CCDC60: variants seen among roughly 807,000 people sequenced by gnomAD.
CCDC60 encodes the protein coiled-coil domain-containing protein 60.
CCDC60 carries 54 observed loss-of-function variants against 63.5 expected under a neutral mutation model. The ratio of observed to expected loss-of-function variants is 0.85; its 90% confidence interval spans 0.68 to 1.07. The LOEUF (loss-of-function observed/expected upper bound fraction) is 1.07, where lower values mean the gene tolerates loss of function less well. Among genes scored for constraint, CCDC60 ranks in the 50% least tolerant of loss-of-function variants. The pLI, the probability that CCDC60 is intolerant of heterozygous loss-of-function variation, is 0.00. For synonymous variants in CCDC60, 206 were observed against 238.8 expected (o/e 0.86, Z 1.27); for missense variants, 651 against 684.3 (o/e 0.95, Z 0.54).
chr12:119,351,751 C>T (rs1304626330), intron 1 of CCDC60, among the ~76,000 whole-genome samples: 1 of 152,216 alleles, frequency 6.6e-6, no homozygotes, highest in African/African-American at 2.4e-5. Flanking sequence ...ACCACCTCAG[C>T]CTGGACTTCA....
chr12:119,469,016 T>C (rs559637610), intron 2 of CCDC60, among the ~76,000 whole-genome samples: 48 of 152,286 alleles, frequency 3.2e-4, no homozygotes, highest in Non-Finnish European at 5.0e-4. Flanking sequence ...ATATTCCATT[T>C]ATATCTATAT....
chr12:119,335,714 A>G (rs1955463931), intron 1 of CCDC60, among the ~76,000 whole-genome samples: 1 of 151,972 alleles, frequency 6.6e-6, no homozygotes, highest in Non-Finnish European at 1.5e-5. Context: ...TTGTCAGATA[A>G]GTATGTTGCG....
At chr12:119,482,446 G>T (rs1289225975) in intron 4 of CCDC60, among the ~76,000 whole-genome samples, 1 of 152,150 alleles carries the variant, frequency 6.6e-6, no homozygotes. Flanking sequence ...TTGCTGACCA[G>T]GTGGTATTCC....
At chr12:119,405,528 A>C (rs970712147) in intron 1 of CCDC60, among the ~76,000 whole-genome samples, 3 of 152,148 alleles carry the variant, frequency 2.0e-5, no homozygotes, top group Non-Finnish European at 2.9e-5. Flanking sequence ...GTTTTTAGAA[A>C]ATTAATGTAA....
rs372553410 is a variant in CCDC60 at position 119,531,048 on chromosome 12, C to T, written c.1536C>T (p.Ile512=). 27 of 1,613,838 alleles carry T rather than the reference C, an allele frequency of 1.7e-5. No individual in the cohort carries two copies. Among genetic ancestry groups the T allele is most frequent in the African/African-American group, 1.1e-4 (8 of 75,042 alleles). Residue 512 remains isoleucine (I), a synonymous_variant, in exon 13 of 14, where the codon ATC becomes ATT. Coordinates refer to ENST00000327554, the MANE Select transcript of CCDC60 (RefSeq NM_178499.5). ...LRIWELCSPD[I]AVAIEFVREH... ...TTTGGGAACTGTGCTCCCCTGACATCGCTGTGGCTATTGAGGTAAACACCA... is the reference window on the plus strand; with the variant it reads ...TTTGGGAACTGTGCTCCCCTGACATTGCTGTGGCTATTGAGGTAAACACCA...
chr12:119,394,262 G>C (rs897329500), intron 1 of CCDC60, among the ~76,000 whole-genome samples: 1 of 152,204 alleles, frequency 6.6e-6, no homozygotes, highest in African/African-American at 2.4e-5. Context: ...GGAAGCAGAA[G>C]CTTGAGGATT....
chr12:119,514,230 G>A (rs1463264794), intron 7 of CCDC60, among the ~76,000 whole-genome samples: 2 of 151,638 alleles, frequency 1.3e-5, no homozygotes, highest in African/African-American at 4.9e-5. Flanking sequence ...AGGCTGGAGT[G>A]CAGTGGCGCA....
At chr12:119,475,554 C>T (rs559466) in intron 3 of CCDC60, among the ~76,000 whole-genome samples, 415 of 152,310 alleles carry the variant, frequency 2.7e-3, no homozygotes, top group African/African-American at 9.7e-3. Context: ...GTCATTACAG[C>T]AATGTAGCCA....
intron 5 of CCDC60, among the ~76,000 whole-genome samples, chr12:119,493,019 G>T (rs1476148469): frequency 6.6e-6 from 1 of 152,076 alleles, no homozygotes. Flanking sequence ...GGGAAAAAAG[G>T]CTACAGAAGG....
At chr12:119,527,673 T>TC (rs1952720358) in intron 11 of CCDC60, among the ~76,000 whole-genome samples, 1 of 127,866 alleles carries the variant, frequency 7.8e-6, no homozygotes, top group Non-Finnish European at 1.7e-5. Flanking sequence ...TTTCTTTTTT[T>TC]TTTTTTTTTT....
chr12:119,453,882 T>C (rs1487616061), intron 2 of CCDC60, among the ~76,000 whole-genome samples: 1 of 151,984 alleles, frequency 6.6e-6, no homozygotes, highest in Admixed American at 6.6e-5. Context: ...GAGAAGTCGA[T>C]GATAATTTGA....
At chr12:119,482,962 G>T (rs12317188) in intron 4 of CCDC60, among the ~76,000 whole-genome samples, 1,522 of 152,200 alleles carry the variant, frequency 0.01, 33 homozygotes, top group African/African-American at 0.035. Context: ...CAAGCAGAAA[G>T]GGTTCCAAGA....
At chr12:119,419,148 C>G (rs956613491) in intron 1 of CCDC60, among the ~76,000 whole-genome samples, 2 of 152,232 alleles carry the variant, frequency 1.3e-5, no homozygotes, top group African/African-American at 4.8e-5. Context: ...GCATCATGGT[C>G]TAGGGCTCCC....
At chr12:119,501,383 G>A (rs1951847223) in intron 6 of CCDC60, among the ~76,000 whole-genome samples, 1 of 152,166 alleles carries the variant, frequency 6.6e-6, no homozygotes, top group Admixed American at 6.5e-5. Flanking sequence ...AGGTATTTGG[G>A]GGCTCAGAGA....
At chr12:119,348,278 A>C (rs968637068) in intron 1 of CCDC60, among the ~76,000 whole-genome samples, 1 of 152,216 alleles carries the variant, frequency 6.6e-6, no homozygotes, top group African/African-American at 2.4e-5. Flanking sequence ...AGCATTCTGC[A>C]GGGTCTTTTA....
chr12:119,444,801 G>A (rs992585339), intron 2 of CCDC60, among the ~76,000 whole-genome samples: 1 of 152,222 alleles, frequency 6.6e-6, no homozygotes, highest in Non-Finnish European at 1.5e-5. Context: ...CTGGACAAGG[G>A]AGGCTACCTT....
At chr12:119,365,348 A>G (rs1021607086) in intron 1 of CCDC60, among the ~76,000 whole-genome samples, 4 of 152,254 alleles carry the variant, frequency 2.6e-5, no homozygotes, top group Admixed American at 6.5e-5. Context: ...TTGAATGAAT[A>G]AATATCCAAG....
Position 119,420,282 on chromosome 12 carries a change from T to G in CCDC60, c.91-8401T>G, listed in dbSNP as rs1956788968. ...TATGTGGGTAGGTACACATCTTACATTCTTATGACAAAAAAAATACCTCAC... is the reference window on the plus strand; with the variant it reads ...TATGTGGGTAGGTACACATCTTACAGTCTTATGACAAAAAAAATACCTCAC... On this transcript the variant is annotated intron_variant, in intron 1 of 13. Transcript: ENST00000327554. This position sits in a 1 kb window ranked among gnomAD's most constrained non-coding sequence, Gnocchi z 4.1. 6.6e-6 allele frequency among the ~76,000 whole-genome samples: 1 copy of G among 152,064 alleles called. No individual in the cohort carries two copies. Among genetic ancestry groups the G allele is most frequent in the Non-Finnish European group, 1.5e-5 (1 of 68,014 alleles).
At chr12:119,385,114 G>GCA (rs1956047269) in intron 1 of CCDC60, among the ~76,000 whole-genome samples, 1 of 152,228 alleles carries the variant, frequency 6.6e-6, no homozygotes, top group African/African-American at 2.4e-5. Context: ...TATGGTCTGT[G>GCA]TCCCATAGGT....
Sources: gnomAD v4.1 joint callset for allele counts (sites outside exome capture counted in the v4.1 genomes callset) on GRCh38, gnomAD v4.1.1 for gene constraint, Gnocchi (gnomAD v3.1) non-coding constraint, MANE v1.5 for transcripts, NCBI Gene and HGNC (gene_info 2026-07-23, HGNC 2026-07-21) for gene names.